The following TAFA5 variants were observed in gnomAD, a reference collection of about 807,000 sequenced individuals.
TAFA5 encodes the protein chemokine-like protein TAFA-5.
Under a neutral mutation model 15.3 loss-of-function variants are expected in TAFA5, and 6 were observed. That is an observed-to-expected ratio of 0.39 (90% CI 0.21 to 0.77). The LOEUF (loss-of-function observed/expected upper bound fraction) is 0.77. TAFA5 is among the 30% of genes least tolerant of loss of function. The pLI is 0.41. For synonymous variants in TAFA5, 103 were observed against 80.7 expected, an observed-to-expected ratio of 1.28 and a Z score of -1.48; for missense variants, 161 against 193.1, an observed-to-expected ratio of 0.83 and a Z score of 0.98.
intron 1 of TAFA5, among the ~76,000 whole-genome samples, chr22:48,638,366 G>A (rs1263936677): frequency 1.6e-4 from 9 of 56,498 alleles, no homozygotes; most frequent in Admixed American, 2.7e-4. Context: ...CCCCCCCCCC[G>A]ACACTAAGCC....
chr22:48,683,177 GCA>G (rs1362256455), intron 2 of TAFA5, among the ~76,000 whole-genome samples: 1 of 152,084 alleles, frequency 6.6e-6, no homozygotes, highest in Non-Finnish European at 1.5e-5. Context: ...CTTGGTAAAC[GCA>G]CACACACAGA....
chr22:48,696,900 C>T (rs1370239674), intron 2 of TAFA5, among the ~76,000 whole-genome samples: 7 of 152,224 alleles, frequency 4.6e-5, no homozygotes, highest in East Asian at 1.9e-4. Context: ...AGGGAGCTCC[C>T]GTCTCAGGGA....
intron 3 of TAFA5, among the ~76,000 whole-genome samples, chr22:48,726,862 C>G (rs1282973448): frequency 6.6e-6 from 1 of 152,234 alleles, no homozygotes; most frequent in African/African-American, 2.4e-5. Flanking sequence ...CCTCAATCCC[C>G]TGTGTAGGCC....
chr22:48,579,388 T>G (rs1329930774), intron 1 of TAFA5, among the ~76,000 whole-genome samples: 3 of 152,166 alleles, frequency 2.0e-5, no homozygotes, highest in Non-Finnish European at 4.4e-5. Context: ...GACCCTCCTC[T>G]GGGAGGGGAG....
chr22:48,573,514 G>A (rs1386924423), intron 1 of TAFA5, among the ~76,000 whole-genome samples: 3 of 151,812 alleles, frequency 2.0e-5, no homozygotes, highest in Non-Finnish European at 2.9e-5. Flanking sequence ...TCTTTGGTCT[G>A]CACTGTTAAC....
chr22:48,508,771 G>A (rs181067271), intron 1 of TAFA5, among the ~76,000 whole-genome samples: 11 of 152,320 alleles, frequency 7.2e-5, no homozygotes, highest in African/African-American at 2.6e-4. Context: ...TCAAATCAGA[G>A]TAGTCTGCAC....
chr22:48,734,650 G>T (rs75456173), intron 3 of TAFA5, among the ~76,000 whole-genome samples: 9,136 of 152,320 alleles, frequency 0.06, 776 homozygotes, highest in African/African-American at 0.19. Context: ...CAAAGTCCCA[G>T]CACATAAGTA....
chr22:48,576,555 G>C (rs765057197), intron 1 of TAFA5: 7 of 1,510,138 alleles, frequency 4.6e-6, no homozygotes, highest in Non-Finnish European at 6.2e-6. Flanking sequence ...TGATCCACGC[G>C]CAGTTCCTCA....
chr22:48,648,976 C>T (rs1282757469), intron 2 of TAFA5, among the ~76,000 whole-genome samples: 1 of 152,242 alleles, frequency 6.6e-6, no homozygotes, highest in Non-Finnish European at 1.5e-5. Context: ...CTGACGGAAT[C>T]ACTGAGCTCC....
chr22:48,644,433 A>G (rs1926792864), intron 1 of TAFA5, among the ~76,000 whole-genome samples: 1 of 152,210 alleles, frequency 6.6e-6, no homozygotes, highest in Admixed American at 6.5e-5. Flanking sequence ...GGACAGCTCC[A>G]TGCCCTGCAC....
At chr22:48,687,126 AG>A (rs1350147658) in intron 2 of TAFA5, among the ~76,000 whole-genome samples, 1 of 141,970 alleles carries the variant, frequency 7.0e-6, no homozygotes, top group Non-Finnish European at 1.5e-5. Context: ...TTGAATGGAT[AG>A]GTGGATAGAT....
chr22:48,512,244 C>T (rs1025974517), intron 1 of TAFA5, among the ~76,000 whole-genome samples: 8 of 152,290 alleles, frequency 5.3e-5, no homozygotes, highest in South Asian at 2.1e-4. Flanking sequence ...CGCTGCCTCT[C>T]GCTGCGCGGC....
rs950275558 is a variant in TAFA5, at chr22:48,566,942, C to A, written c.112+77238C>A. 6.6e-6 allele frequency among the ~76,000 whole-genome samples: 1 copy of A among 152,300 alleles called. No homozygotes were observed. ...TGGGTTTGTCCTTTCTCCTTTGCTC[C>A]GCAGCACTGCTGCCTGCGGACTGGC... is the stretch of plus-strand genomic sequence containing the variant. On this transcript the variant is annotated intron_variant, in intron 1 of 3. Transcript: ENST00000402357. This position sits in a 1 kb window ranked among gnomAD's most constrained non-coding sequence, Gnocchi z 4.5.
At chr22:48,609,874 C>G (rs1189183017) in intron 1 of TAFA5, among the ~76,000 whole-genome samples, 1 of 152,228 alleles carries the variant, frequency 6.6e-6, no homozygotes, top group Non-Finnish European at 1.5e-5. Flanking sequence ...CAGCCTCTGC[C>G]TCCACCACAT....
chr22:48,562,163 A>C (rs554578518), intron 1 of TAFA5, among the ~76,000 whole-genome samples: 51 of 151,756 alleles, frequency 3.4e-4, no homozygotes, highest in African/African-American at 1.2e-3. Context: ...TTTGAGATGG[A>C]GTCTCGCTCT....
At chr22:48,636,935 G>A (rs1242605910) in intron 1 of TAFA5, among the ~76,000 whole-genome samples, 1 of 152,208 alleles carries the variant, frequency 6.6e-6, no homozygotes, top group East Asian at 1.9e-4. Flanking sequence ...GGAGGCTGAG[G>A]CCAGGGCTCT....
intron 1 of TAFA5, among the ~76,000 whole-genome samples, chr22:48,548,607 G>A (rs922076495): frequency 2.0e-4 from 30 of 152,194 alleles, no homozygotes; most frequent in African/African-American, 7.2e-4. Flanking sequence ...CTCTCGGCAG[G>A]CTGGGCTCCA....
intron 1 of TAFA5, among the ~76,000 whole-genome samples, chr22:48,643,160 A>G (rs561444200): frequency 4.0e-4 from 61 of 152,140 alleles, no homozygotes; most frequent in Non-Finnish European, 8.2e-4. Context: ...AGGCACTGCA[A>G]CCCGGCTGCC....
At chr22:48,626,935 G>T (rs111965444) in intron 1 of TAFA5, among the ~76,000 whole-genome samples, 1 of 152,132 alleles carries the variant, frequency 6.6e-6, no homozygotes, top group Admixed American at 6.5e-5. Flanking sequence ...CTCCAGCCCC[G>T]TGCTGAGACC....
Sources: allele counts gnomAD v4.1 joint callset (sites outside exome capture counted in the v4.1 genomes callset), GRCh38; gene constraint gnomAD v4.1.1; non-coding constraint Gnocchi (gnomAD v3.1); transcripts MANE v1.5; gene names NCBI Gene and HGNC (gene_info 2026-07-23, HGNC 2026-07-21).